The following RHBDD1 variants were observed in gnomAD, a reference collection of about 807,000 sequenced individuals.
The protein encoded by RHBDD1 is rhomboid domain containing 1, also known as rhomboid-related protein 4.
A neutral mutation model predicts 36.3 loss-of-function variants in RHBDD1; 38 were observed. That is an observed-to-expected ratio of 1.05 (90% CI 0.81 to 1.37). RHBDD1 has a LOEUF of 1.37. RHBDD1 is among the 40% of genes most tolerant of loss of function. The pLI, the probability that RHBDD1 is intolerant of heterozygous loss-of-function variation, is 0.00. For synonymous variants in RHBDD1, 151 were observed against 136.5 expected (o/e 1.11, Z -0.74); for missense variants, 393 against 377.6 (o/e 1.04, Z -0.34).
At chr2:226,834,109 A>G (rs922625952), upstream of RHBDD1, among the ~76,000 whole-genome samples, 2 of 152,236 alleles carry the variant, frequency 1.3e-5, no homozygotes, top group African/African-American at 2.4e-5. Flanking sequence ...TATTGAATTG[A>G]GACTTCTTGA....
chr2:226,929,914 C>A (rs544740599), intron 8 of RHBDD1, among the ~76,000 whole-genome samples: 2 of 151,610 alleles, frequency 1.3e-5, no homozygotes, highest in Admixed American at 6.6e-5. Flanking sequence ...ACAAACAAAA[C>A]AAAAAACAAA....
chr2:226,893,283 G>T (rs535665704), intron 5 of RHBDD1, among the ~76,000 whole-genome samples: 1 of 152,118 alleles, frequency 6.6e-6, no homozygotes, highest in African/African-American at 2.4e-5. Context: ...ATAAACAGTC[G>T]AACTTCTCTT....
chr2:226,908,729 T>C, intron 6 of RHBDD1, 93 bp from the exon 7 acceptor site: 2 of 850,260 alleles, frequency 2.4e-6, no homozygotes, highest in Non-Finnish European at 2.0e-6. Flanking sequence ...GAAATGACCT[T>C]GGGCTTTGTC....
intron 8 of RHBDD1, among the ~76,000 whole-genome samples, chr2:226,961,473 A>G (rs1952195470): frequency 1.3e-5 from 2 of 152,190 alleles, no homozygotes; most frequent in African/African-American, 2.4e-5. Flanking sequence ...AATAATGGTA[A>G]TGAATACTTA....
At chr2:226,955,999 A>G (rs1006918278) in intron 8 of RHBDD1, among the ~76,000 whole-genome samples, 2 of 152,206 alleles carry the variant, frequency 1.3e-5, no homozygotes, top group Non-Finnish European at 2.9e-5. Context: ...CTTTACTTGG[A>G]TTCATATATT....
Position 226,971,909 on chromosome 2 carries a change from CTT to C in RHBDD1, c.857-23509_857-23508del, listed in dbSNP as rs11305868. ...AAACTAGAGAGAAAGCAAAAGCCCA[CTT>C]TTTTTTTTTTTTAATTTTACTTTCA... On this transcript the variant is annotated intron_variant, in intron 8 of 8. Coordinates refer to ENST00000392062, the MANE Select transcript of RHBDD1 (RefSeq NM_001167608.3). 6.7e-4 allele frequency among the ~76,000 whole-genome samples: 98 copies of C among 146,364 alleles called. 1 individual carries two copies. Among genetic ancestry groups the C allele is most frequent in the Middle Eastern group, 3.5e-3 (1 of 282 alleles).
chr2:226,967,333 T>A (rs1044388338), intron 8 of RHBDD1, among the ~76,000 whole-genome samples: 1 of 152,214 alleles, frequency 6.6e-6, no homozygotes, highest in Non-Finnish European at 1.5e-5. Flanking sequence ...ATAAAGAGAT[T>A]ATATAAATCA....
chr2:226,827,315 T>C, the RHBDD1 span, among the ~76,000 whole-genome samples: 1 of 152,224 alleles, frequency 6.6e-6, no homozygotes, highest in Admixed American at 6.5e-5. Context: ...TTTACACCCA[T>C]AATCTACAGA....
intron 4 of RHBDD1, among the ~76,000 whole-genome samples, chr2:226,866,027 C>G (rs1168536991): frequency 2.6e-5 from 4 of 152,206 alleles, no homozygotes; most frequent in South Asian, 2.1e-4. Flanking sequence ...TTAATTTATG[C>G]AGCAGATCCA....
At chr2:226,891,775 A>T (rs1323685729) in intron 5 of RHBDD1, among the ~76,000 whole-genome samples, 1 of 152,258 alleles carries the variant, frequency 6.6e-6, no homozygotes, top group East Asian at 1.9e-4. Context: ...TATCGGAAGG[A>T]TATCAGATAG....
At chr2:226,944,090 C>T (rs1196901952) in intron 8 of RHBDD1, among the ~76,000 whole-genome samples, 1 of 151,770 alleles carries the variant, frequency 6.6e-6, no homozygotes, top group African/African-American at 2.4e-5. Flanking sequence ...AGTGAAAGAC[C>T]ACTGAGTGCC....
At chr2:226,928,477 T>G (rs979642374) in intron 8 of RHBDD1, among the ~76,000 whole-genome samples, 5 of 152,026 alleles carry the variant, frequency 3.3e-5, no homozygotes, top group African/African-American at 1.2e-4. Context: ...ACACAAGATA[T>G]CAAAACCTCT....
intron 3 of RHBDD1, among the ~76,000 whole-genome samples, chr2:226,840,005 A>G (rs1941434009): frequency 6.6e-6 from 1 of 152,158 alleles, no homozygotes; most frequent in South Asian, 2.1e-4. Flanking sequence ...GTGTTTTTTT[A>G]GAGTTAATTT....
intron 8 of RHBDD1, among the ~76,000 whole-genome samples, chr2:226,994,386 A>G (rs1259027856): frequency 1.3e-5 from 2 of 152,156 alleles, no homozygotes; most frequent in Non-Finnish European, 2.9e-5. Context: ...AATGAAGACA[A>G]ACAAACGGAA....
At chr2:226,851,673 C>G (rs180836884) in intron 3 of RHBDD1, among the ~76,000 whole-genome samples, 254 of 152,234 alleles carry the variant, frequency 1.7e-3, no homozygotes, top group African/African-American at 5.9e-3. Context: ...AGTCTCTAGT[C>G]CCTTGGAATG....
intron 4 of RHBDD1, among the ~76,000 whole-genome samples, chr2:226,865,649 T>C (rs751762748): frequency 2.6e-5 from 4 of 152,170 alleles, no homozygotes; most frequent in Non-Finnish European, 5.9e-5. Flanking sequence ...CCTAGGGCTG[T>C]TGGAGTCTTC....
intron 8 of RHBDD1, among the ~76,000 whole-genome samples, chr2:226,926,990 T>C (rs1949708708): frequency 1.3e-5 from 2 of 152,168 alleles, no homozygotes; most frequent in Admixed American, 6.5e-5. Flanking sequence ...TTACTCCGTG[T>C]GGTGTACACT....
At chr2:226,883,872 T>A (rs1329191726) in intron 5 of RHBDD1, among the ~76,000 whole-genome samples, 1 of 152,226 alleles carries the variant, frequency 6.6e-6, no homozygotes, top group African/African-American at 2.4e-5. Context: ...AAGGGTGTTT[T>A]TAATATTAGA....
At chr2:226,899,219 G>A (rs1394708603) in intron 5 of RHBDD1, among the ~76,000 whole-genome samples, 1 of 152,200 alleles carries the variant, frequency 6.6e-6, no homozygotes, top group East Asian at 1.9e-4. Flanking sequence ...GGCTTGATGG[G>A]AAAGAACACT....
Sources: allele counts gnomAD v4.1 joint callset (sites outside exome capture counted in the v4.1 genomes callset), GRCh38; gene constraint gnomAD v4.1.1; transcripts MANE v1.5; gene names NCBI Gene and HGNC (gene_info 2026-07-23, HGNC 2026-07-21).